Variants in LRP5 observed in about 807,000 individuals in gnomAD.
LRP5 encodes LDL receptor related protein 5.
In LRP5, 62 loss-of-function variants were observed where a neutral mutation model predicts 154.1. The observed-to-expected ratio is 0.40, with a 90% CI of 0.33 to 0.50. The LOEUF (loss-of-function observed/expected upper bound fraction) is 0.50, where lower values mean the gene tolerates loss of function less well. LRP5 is among the 20% of genes least tolerant of loss of function. LRP5 has a pLI of 0.55. For synonymous variants in LRP5, 966 were observed against 1,011.5 expected (o/e 0.96, Z 0.85); for missense variants, 1,915 against 2,336.7 (o/e 0.82, Z 3.72).
intron 7 of LRP5, among the ~76,000 whole-genome samples, chr11:68,397,695 G>A (rs764200894): frequency 8.5e-5 from 13 of 152,114 alleles, no homozygotes; most frequent in Non-Finnish European, 1.2e-4. Context: ...TCTGTGAGCC[G>A]GCCTGGTCTC....
rs1447028157 is a variant in LRP5, at chr11:68,336,542, C to T, written c.92-11305C>T. ...GGAGTGCAATGGTACAATCTCAGCT[C>T]ATGGCAACCTCTGCCTCCCGGTTTC... is the stretch of plus-strand genomic sequence containing the variant. On this transcript the variant is annotated intron_variant, in intron 1 of 22. Coordinates refer to ENST00000294304, the MANE Select transcript of LRP5 (RefSeq NM_002335.4). Among the ~76,000 whole-genome samples the T allele has an allele frequency of 3.3e-5, 5 of 152,208 alleles. 1 individual carries two copies. In the East Asian group the frequency reaches 9.6e-4, roughly 29 times the overall value.
At chr11:68,336,802 A>G (rs906326229) in intron 1 of LRP5, among the ~76,000 whole-genome samples, 7 of 152,212 alleles carry the variant, frequency 4.6e-5, no homozygotes, top group African/African-American at 7.2e-5. Context: ...GGTAAAATAC[A>G]TATAACACTT....
intron 1 of LRP5, among the ~76,000 whole-genome samples, chr11:68,340,470 C>T (rs1311379927): frequency 1.3e-5 from 2 of 152,160 alleles, no homozygotes; most frequent in Non-Finnish European, 2.9e-5. Context: ...CTACCCCCTC[C>T]CGGCTGTTAC....
At chr11:68,329,710 C>T (rs1413890314) in intron 1 of LRP5, among the ~76,000 whole-genome samples, 1 of 152,166 alleles carries the variant, frequency 6.6e-6, no homozygotes, top group Non-Finnish European at 1.5e-5. Context: ...GGGAGAGCTA[C>T]TCAACTGTCC....
In LRP5 at chr11:68,438,402, G is replaced by T. The variant is rs597782; in HGVS notation, c.4112-44G>T. The stretch of plus-strand genomic sequence containing the variant: ...TCTGCCCCCAAGGAGGGCCCATTCC[G>T]TTGGGGTTAATGTTGGCCACCTCTT... On this transcript the variant is annotated intron_variant, in intron 19 of 22. Transcript: ENST00000294304. The T allele has an allele frequency of 3.9e-6, 6 of 1,557,408 alleles. No homozygotes were observed. In the Admixed American group the frequency reaches 1.0e-4, roughly 26 times the overall value.
intron 1 of LRP5, among the ~76,000 whole-genome samples, chr11:68,345,305 T>A (rs1011813617): frequency 6.6e-6 from 1 of 152,074 alleles, no homozygotes; most frequent in Non-Finnish European, 1.5e-5. Context: ...TGCTGTTTTT[T>A]GAGACAGAGT....
At chr11:68,388,472 G>T (rs919055479) in intron 6 of LRP5, among the ~76,000 whole-genome samples, 18 of 152,210 alleles carry the variant, frequency 1.2e-4, no homozygotes, top group Admixed American at 9.2e-4. Context: ...GCTGGAAGCG[G>T]GAGGCAGAGG....
rs1277423969 is a variant in LRP5 at position 68,423,064 on chromosome 11, G to A, written c.3028-425G>A. Among the ~76,000 whole-genome samples, 1 of 152,156 alleles carries A rather than the reference G, an allele frequency of 6.6e-6. No individual in the cohort carries two copies. Among genetic ancestry groups the A allele is most frequent in the African/African-American group, 2.4e-5 (1 of 41,434 alleles). On this transcript the variant is annotated intron_variant, in intron 13 of 22. Coordinates refer to ENST00000294304, the MANE Select transcript of LRP5 (RefSeq NM_002335.4). The surrounding 1 kb of genome is among the most constrained non-coding windows in gnomAD (Gnocchi z 4.7). ...AAGGTGGAGGAGACAGGGATGTGTT[G>A]GGAAGGGCCCCATGGTCTTGGATCC...
chr11:68,432,857 G>A (rs929919816), intron 17 of LRP5, among the ~76,000 whole-genome samples: 2 of 152,208 alleles, frequency 1.3e-5, no homozygotes, highest in Non-Finnish European at 2.9e-5. Context: ...GCTGCCGCAT[G>A]CCCAGCCCGC....
Position 68,352,679 on chromosome 11 carries a change from TGA to T in LRP5, c.488+4440_488+4441del, listed in dbSNP as rs941831997. On this transcript the variant is annotated intron_variant, in intron 2 of 22. Coordinates refer to ENST00000294304, the MANE Select transcript of LRP5 (RefSeq NM_002335.4). ...TGGTTGGGAGTTGTTGGTGTCCAGT[TGA>T]GAGGTGCTAGGTGCTTGGTTGGGAG... Among the ~76,000 whole-genome samples, 13 of 151,642 alleles carry T rather than the reference TGA, an allele frequency of 8.6e-5. No homozygotes were observed. In the Middle Eastern group the frequency reaches 0.024, roughly 280 times the overall value.
At chr11:68,301,792 A>AT in the LRP5 span, among the ~76,000 whole-genome samples, 137 of 118,384 alleles carry the variant, frequency 1.2e-3, 2 homozygotes, top group African/African-American at 4.0e-3. Flanking sequence ...TGCCTGGCTA[A>AT]TTTTTTTTGT....
At chr11:68,374,426 G>C (rs2098636208) in intron 5 of LRP5, among the ~76,000 whole-genome samples, 1 of 152,228 alleles carries the variant, frequency 6.6e-6, no homozygotes, top group African/African-American at 2.4e-5. Flanking sequence ...GGCAGCTGCT[G>C]TTCTCAGCCA....
chr11:68,398,231 G>A (rs1207754762), intron 7 of LRP5, among the ~76,000 whole-genome samples: 2 of 152,148 alleles, frequency 1.3e-5, no homozygotes, highest in Non-Finnish European at 2.9e-5. Context: ...TAAAAACACT[G>A]CACAGCAGGC....
At chr11:68,429,208 G>A (rs925029125) in intron 16 of LRP5, among the ~76,000 whole-genome samples, 7 of 148,268 alleles carry the variant, frequency 4.7e-5, no homozygotes, top group African/African-American at 9.9e-5. Context: ...AGCCATGATC[G>A]CACCACTGCC....
chr11:68,314,653 T>C (rs2098591649), intron 1 of LRP5, among the ~76,000 whole-genome samples: 1 of 152,238 alleles, frequency 6.6e-6, no homozygotes, highest in Non-Finnish European at 1.5e-5. Context: ...TCCCAAGCCC[T>C]AGTCCTCTCT....
At chr11:68,311,373 C>T (rs912756160), upstream of LRP5, among the ~76,000 whole-genome samples, 11 of 151,728 alleles carry the variant, frequency 7.2e-5, no homozygotes, top group African/African-American at 2.4e-4. Context: ...CCCTCTGCCC[C>T]AGCGCCTCCT....
At chr11:68,328,972 G>A (rs976981134) in intron 1 of LRP5, among the ~76,000 whole-genome samples, 63 of 152,182 alleles carry the variant, frequency 4.1e-4, no homozygotes, top group African/African-American at 1.3e-3. Context: ...CGTGGGTGGG[G>A]TACCTGAGGG....
intron 5 of LRP5, among the ~76,000 whole-genome samples, chr11:68,385,324 G>A (rs373113949): frequency 1.3e-5 from 2 of 152,284 alleles, no homozygotes; most frequent in East Asian, 3.9e-4. Flanking sequence ...GCTTGGCCCT[G>A]GGGGGCAGCA....
upstream of LRP5, among the ~76,000 whole-genome samples, chr11:68,310,686 T>C (rs1377981062): frequency 6.7e-6 from 1 of 149,340 alleles, no homozygotes; most frequent in Non-Finnish European, 1.5e-5. Context: ...GCCCAGGAGT[T>C]TGAGGTTGCA....
Sources: gnomAD v4.1 joint callset for allele counts (sites outside exome capture counted in the v4.1 genomes callset) on GRCh38, gnomAD v4.1.1 for gene constraint, Gnocchi (gnomAD v3.1) non-coding constraint, MANE v1.5 for transcripts, NCBI Gene and HGNC (gene_info 2026-07-23, HGNC 2026-07-21) for gene names.